MAGI1: variants seen among roughly 807,000 people sequenced by gnomAD.
MAGI1 encodes the protein membrane associated guanylate kinase, WW and PDZ domain containing 1.
MAGI1 carries 58 observed loss-of-function variants against 139.9 expected under a neutral mutation model. The ratio of observed to expected loss-of-function variants is 0.41; its 90% confidence interval spans 0.34 to 0.52. The LOEUF is 0.52. Among genes scored for constraint, MAGI1 ranks in the 20% least tolerant of loss-of-function variants. The pLI, the probability that MAGI1 is intolerant of heterozygous loss-of-function variation, is 0.12. For missense variants in MAGI1, 1,874 were observed against 1,901.6 expected (o/e 0.99, Z 0.27); for synonymous variants, 812 against 737.9 (o/e 1.10, Z -1.63).
At chr3:65,825,821 C>G (rs2042194759) in intron 1 of MAGI1, among the ~76,000 whole-genome samples, 1 of 152,012 alleles carries the variant, frequency 6.6e-6, no homozygotes, top group Admixed American at 6.6e-5. Flanking sequence ...AACCCCGTCT[C>G]CACTAAAAAT....
chr3:65,503,461 GA>G (rs1385862637), intron 2 of MAGI1, among the ~76,000 whole-genome samples: 2 of 152,328 alleles, frequency 1.3e-5, no homozygotes, highest in African/African-American at 4.8e-5. Context: ...ACAAAGGTCA[GA>G]AACAGGACCC....
At chr3:65,646,215 T>C (rs960176406) in intron 1 of MAGI1, among the ~76,000 whole-genome samples, 4 of 151,556 alleles carry the variant, frequency 2.6e-5, no homozygotes, top group Admixed American at 6.6e-5. Context: ...GAAAAAAATA[T>C]GCAAACATTA....
intron 1 of MAGI1, among the ~76,000 whole-genome samples, chr3:65,746,927 G>C (rs888639205): frequency 6.6e-6 from 1 of 152,272 alleles, no homozygotes; most frequent in African/African-American, 2.4e-5. Flanking sequence ...ACATATTTTA[G>C]TACAAGCACA....
chr3:65,736,440 C>G (rs987867204), intron 1 of MAGI1, among the ~76,000 whole-genome samples: 1 of 152,112 alleles, frequency 6.6e-6, no homozygotes, highest in Non-Finnish European at 1.5e-5. Flanking sequence ...ACATGACTGG[C>G]TCATGTGAAT....
chr3:65,992,884 G>A (rs2066252999), intron 1 of MAGI1, among the ~76,000 whole-genome samples: 1 of 152,088 alleles, frequency 6.6e-6, no homozygotes, highest in Admixed American at 6.6e-5. Flanking sequence ...GGAGTGAAGT[G>A]GCATGATCAT....
chr3:65,976,638 C>T (rs1424880065), intron 1 of MAGI1, among the ~76,000 whole-genome samples: 1 of 151,288 alleles, frequency 6.6e-6, no homozygotes, highest in Non-Finnish European at 1.5e-5. Context: ...CTCAAACAAA[C>T]AAAAAAAAGA....
chr3:65,793,390 T>C (rs2039915970), intron 1 of MAGI1, among the ~76,000 whole-genome samples: 1 of 152,224 alleles, frequency 6.6e-6, no homozygotes, highest in Admixed American at 6.5e-5. Context: ...CTGGGGCAAT[T>C]AAACCAATTA....
chr3:65,648,616 G>A (rs149968430), intron 1 of MAGI1, among the ~76,000 whole-genome samples: 55 of 152,186 alleles, frequency 3.6e-4, no homozygotes, highest in African/African-American at 1.3e-3. Context: ...TCAAAGAGTC[G>A]ACACAGTAAA....
intron 1 of MAGI1, among the ~76,000 whole-genome samples, chr3:65,684,633 C>G (rs1559784537): frequency 6.6e-6 from 1 of 151,958 alleles, no homozygotes; most frequent in Non-Finnish European, 1.5e-5. Context: ...GTGTATAAAT[C>G]TAAATACACA....
intron 1 of MAGI1, among the ~76,000 whole-genome samples, chr3:65,669,805 A>G (rs1336805859): frequency 1.3e-5 from 2 of 152,162 alleles, no homozygotes; most frequent in Non-Finnish European, 2.9e-5. Context: ...TTAGTTTTTC[A>G]GCCAGAATTG....
intron 2 of MAGI1, among the ~76,000 whole-genome samples, chr3:65,516,974 C>A (rs1204506504): frequency 6.6e-6 from 1 of 151,734 alleles, no homozygotes; most frequent in South Asian, 2.1e-4. Flanking sequence ...GTGATCCGCC[C>A]GCCTCGGCCT....
At chr3:65,550,360 C>A (rs972736648) in intron 2 of MAGI1, among the ~76,000 whole-genome samples, 1 of 152,150 alleles carries the variant, frequency 6.6e-6, no homozygotes, top group Admixed American at 6.5e-5. Flanking sequence ...CTTGGTCTCT[C>A]CATGCTACTG....
intron 1 of MAGI1, among the ~76,000 whole-genome samples, chr3:65,862,311 G>A (rs922036584): frequency 1.3e-5 from 2 of 152,124 alleles, no homozygotes; most frequent in African/African-American, 2.4e-5. Flanking sequence ...TATGGTTGAT[G>A]TGTATTAAGT....
intron 1 of MAGI1, among the ~76,000 whole-genome samples, chr3:65,697,608 A>G (rs2089312869): frequency 1.0e-5 from 1 of 100,426 alleles, no homozygotes; most frequent in Non-Finnish European, 2.0e-5. Flanking sequence ...ATATAAACAG[A>G]GCCAAAGACA....
intron 18 of MAGI1, among the ~76,000 whole-genome samples, chr3:65,372,147 T>C (rs1942066299): frequency 6.6e-6 from 1 of 152,232 alleles, no homozygotes; most frequent in Non-Finnish European, 1.5e-5. Context: ...ATGGCAGGTA[T>C]AGCCTTACAA....
chr3:65,812,700 T>C (rs1181457849), intron 1 of MAGI1, among the ~76,000 whole-genome samples: 1 of 36,952 alleles, frequency 2.7e-5, no homozygotes, highest in Non-Finnish European at 4.7e-5. Flanking sequence ...GTTAGTTTAC[T>C]TTTTTTTTTT....
chr3:65,966,909 A>T (rs1352273017), intron 1 of MAGI1, among the ~76,000 whole-genome samples: 1 of 152,316 alleles, frequency 6.6e-6, no homozygotes, highest in South Asian at 2.1e-4. Context: ...TCATATACCA[A>T]ATGGTTAATA....
At chr3:66,007,156 T>G in intron 1 of MAGI1, among the ~76,000 whole-genome samples, 1 of 152,088 alleles carries the variant, frequency 6.6e-6, no homozygotes, top group Non-Finnish European at 1.5e-5. Flanking sequence ...ATCACATATG[T>G]CACGTAAAGT....
rs1055568764 is a variant in MAGI1 at position 65,365,155 on chromosome 3, C to G, written c.3197-209G>C. The G allele has an allele frequency of 9.5e-6, 7 of 738,410 alleles. No individual in the cohort carries two copies. The African/African-American group carries it at 1.0e-4, about 11-fold the overall frequency. 45.7% of individuals were successfully genotyped at this position (738,410 alleles called of 1,614,324 possible). On this transcript the variant is annotated intron_variant, in intron 18 of 22. Transcript: ENST00000402939. ...GTGGGTCATGTATGTCCCCATGACC[C>G]TCCTCCCAAACAGACATCTCCACAA... is the stretch of plus-strand genomic sequence containing the variant.
Sources: gnomAD v4.1 joint callset for allele counts (sites outside exome capture counted in the v4.1 genomes callset) on GRCh38, gnomAD v4.1.1 for gene constraint, MANE v1.5 for transcripts, NCBI Gene and HGNC (gene_info 2026-07-23, HGNC 2026-07-21) for gene names.